Variants in SCN1A observed in about 807,000 individuals in gnomAD.
SCN1A encodes sodium channel protein type 1 subunit alpha.
Under a neutral mutation model 193.7 loss-of-function variants are expected in SCN1A, and 13 were observed. The ratio of observed to expected loss-of-function variants is 0.07; its 90% CI spans 0.04 to 0.11. The LOEUF (loss-of-function observed/expected upper bound fraction) is 0.11. SCN1A is among the 10% of genes least tolerant of loss of function. SCN1A has a pLI of 1.00. For synonymous variants in SCN1A, 781 were observed against 843.6 expected (o/e 0.93, Z 1.29); for missense variants, 1,432 against 2,451.1 (o/e 0.58, Z 8.78).
chr2:166,073,251 A>T (rs1378892661), intron 4 of SCN1A, 107 bp downstream of exon 4: 2 of 1,330,824 alleles, frequency 1.5e-6, no homozygotes, highest in African/African-American at 2.9e-5. Context: ...TCTTAAACAG[A>T]AGGATACTTA....
Position 166,019,452 on chromosome 2 carries a change from CA to C in SCN1A, c.3430-3726del, listed in dbSNP as rs148697976. 6.4e-3 allele frequency among the ~76,000 whole-genome samples: 977 copies of C among 152,268 alleles called. 15 individuals are homozygous for C. The highest frequency in any genetic ancestry group is 0.022 in the African/African-American group (933 of 41,552). On this transcript the variant is annotated intron_variant, in intron 19 of 28. Coordinates refer to ENST00000674923, the MANE Select transcript of SCN1A (RefSeq NM_001165963.4). ...TCAATCTAAGTAATGACTTTTTAAA[CA>C]ATCTTAAACATACTTCTTTAACCAA...
At chr2:166,130,303 G>A (rs1321022446), upstream of SCN1A, among the ~76,000 whole-genome samples, 2 of 152,128 alleles carry the variant, frequency 1.3e-5, no homozygotes, top group Admixed American at 6.6e-5. Context: ...CCTGATATAT[G>A]CCAGGCACTT....
chr2:166,096,584 A>G (rs1401216292), intron 2 of SCN1A, among the ~76,000 whole-genome samples: 1 of 152,164 alleles, frequency 6.6e-6, no homozygotes, highest in Non-Finnish European at 1.5e-5. Flanking sequence ...CCAGCCTGAG[A>G]GATCATGTTT....
chr2:166,092,059 T>C (rs1255505414), intron 2 of SCN1A, among the ~76,000 whole-genome samples: 1 of 149,630 alleles, frequency 6.7e-6, no homozygotes, highest in Non-Finnish European at 1.5e-5. Flanking sequence ...TCAGATAATA[T>C]TTTTTTCTTT....
At chr2:166,133,901 C>G (rs1342235409) in intron 1 of SCN1A, 3 of 152,134 alleles carry the variant, frequency 2.0e-5, no homozygotes, top group African/African-American at 7.2e-5. Flanking sequence ...TCAATAATCT[C>G]TTTGAAAGTA....
Position 166,051,608 on chromosome 2 carries a change from GCTAATCA to G in SCN1A, c.964+104_964+110del, listed in dbSNP as rs200369264. 6.0e-3 allele frequency: 4,814 copies of G among 808,678 alleles called. 164 individuals are homozygous for G. In the African/African-American group the frequency reaches 0.073, roughly 12 times the overall value. The allele number at this position is 808,678 out of a possible 1,614,324, so 50.1% of individuals were successfully genotyped here. On this transcript the variant is annotated intron_variant, in intron 9 of 28. Coordinates refer to ENST00000674923, the MANE Select transcript of SCN1A (RefSeq NM_001165963.4). Reference sequence around the variant, plus strand: ...GTTTTGATACAGGCCTGCAATGTGTGCTAATCACATCATGTAAAATGGGATATCCAGC... The same window carrying G: ...GTTTTGATACAGGCCTGCAATGTGTGCATCATGTAAAATGGGATATCCAGC...
rs757827633 is a variant in SCN1A, at chr2:166,037,696, C to A, written c.2946+80G>T. The A allele has an allele frequency of 1.6e-5, 20 of 1,240,800 alleles. No individual in the cohort carries two copies. The Admixed American group carries it at 3.4e-4, about 21-fold the overall frequency. The allele number at this position is 1,240,800 out of a possible 1,614,324, so 76.9% of individuals were successfully genotyped here. A position where few individuals can be genotyped will look rare whatever the true frequency, so the allele number is the denominator to read the frequency against. ...CTTTAAGTTTTAGGGTACATGTGCA[C>A]AATGTGCAGGTTAGTTACATATGTA... On this transcript the variant is annotated intron_variant, in intron 18 of 28. Coordinates refer to ENST00000674923, the MANE Select transcript of SCN1A (RefSeq NM_001165963.4).
intron 28 of SCN1A, 165 bp downstream of exon 28, chr2:165,993,979 CAT>C: frequency 1.6e-6 from 1 of 629,434 alleles, no homozygotes; most frequent in Non-Finnish European, 2.8e-6. Flanking sequence ...ACAATACTGA[CAT>C]ATAGTAGGAG....
chr2:166,139,465 CA>C (rs1305866539), intron 1 of SCN1A, among the ~76,000 whole-genome samples: 1 of 152,180 alleles, frequency 6.6e-6, no homozygotes, highest in Non-Finnish European at 1.5e-5. Flanking sequence ...AGTTTGCCTG[CA>C]AAAACTCTCT....
intron 2 of SCN1A, among the ~76,000 whole-genome samples, chr2:166,120,926 A>G (rs560152495): frequency 1.3e-3 from 198 of 151,954 alleles, no homozygotes; most frequent in Non-Finnish European, 2.3e-3. Flanking sequence ...TATGTAGACT[A>G]TTAATCTCTC....
rs1542484 is a variant in SCN1A at position 166,048,865 on chromosome 2, A to G, written c.1028+21T>C. On this transcript the variant is annotated intron_variant, in intron 10 of 28. Coordinates refer to ENST00000674923, the MANE Select transcript of SCN1A (RefSeq NM_001165963.4). ...TGTGTACATACAAATATACACAGATACACACAAATTATTGACTTACCCTGC... is the reference window on the plus strand; with the variant it reads ...TGTGTACATACAAATATACACAGATGCACACAAATTATTGACTTACCCTGC... 778,152 of 1,484,396 alleles carry G rather than the reference A, an allele frequency of 0.52. 206,796 individuals are homozygous for G. Among genetic ancestry groups the G allele is most frequent in the East Asian group, 0.55 (24,356 of 43,968 alleles). 92.0% of individuals were successfully genotyped at this position (1,484,396 alleles called of 1,614,324 possible).
intron 23 of SCN1A, 74 bp from the exon 24 acceptor site, chr2:166,002,827 T>C: frequency 8.1e-7 from 1 of 1,235,724 alleles, no homozygotes; most frequent in Non-Finnish European, 1.1e-6. Context: ...CCCCTAGTAA[T>C]CTCTGGTCTT....
At chr2:166,045,765 G>C (rs1320339707) in intron 12 of SCN1A, among the ~76,000 whole-genome samples, 1 of 152,162 alleles carries the variant, frequency 6.6e-6, no homozygotes, top group Non-Finnish European at 1.5e-5. Flanking sequence ...CCTTTCTCTA[G>C]TTATTGAAAT....
At chr2:166,068,797 A>G (rs1314588325) in intron 4 of SCN1A, among the ~76,000 whole-genome samples, 2 of 152,212 alleles carry the variant, frequency 1.3e-5, no homozygotes, top group Admixed American at 1.3e-4. Flanking sequence ...TAAATGATCC[A>G]TAGGACTTTT....
chr2:166,065,362 G>T (rs867349467), intron 4 of SCN1A, among the ~76,000 whole-genome samples: 1 of 152,164 alleles, frequency 6.6e-6, no homozygotes, highest in African/African-American at 2.4e-5. Flanking sequence ...AGCATAGATG[G>T]TCAGGAGATT....
chr2:166,110,125 C>G (rs1202343325), intron 2 of SCN1A, among the ~76,000 whole-genome samples: 1 of 152,056 alleles, frequency 6.6e-6, no homozygotes, highest in African/African-American at 2.4e-5. Flanking sequence ...ATCAAAACAT[C>G]TCATGTAACC....
At chr2:166,093,952 A>C (rs1032911497) in intron 2 of SCN1A, among the ~76,000 whole-genome samples, 1 of 152,280 alleles carries the variant, frequency 6.6e-6, no homozygotes, top group Admixed American at 6.5e-5. Context: ...TTTCATTAGA[A>C]ACACTTATGA....
intron 2 of SCN1A, among the ~76,000 whole-genome samples, chr2:166,111,595 A>G (rs375068275): frequency 7.8e-4 from 119 of 152,278 alleles, no homozygotes; most frequent in African/African-American, 2.7e-3. Context: ...TTTTATTTTC[A>G]AGTCTTATTA....
At chr2:166,098,792 A>C (rs1174958482) in intron 2 of SCN1A, among the ~76,000 whole-genome samples, 3 of 152,182 alleles carry the variant, frequency 2.0e-5, no homozygotes, top group Non-Finnish European at 4.4e-5. Flanking sequence ...ACCTAGTAAC[A>C]CAGCTAACCA....
Sources: allele counts gnomAD v4.1 joint callset (sites outside exome capture counted in the v4.1 genomes callset), GRCh38; gene constraint gnomAD v4.1.1; transcripts MANE v1.5; gene names NCBI Gene and HGNC (gene_info 2026-07-23, HGNC 2026-07-21).